Variants in FRAS1 observed in about 807,000 individuals in gnomAD.
FRAS1 encodes the protein extracellular matrix organizing protein FRAS1.
FRAS1 carries 290 observed loss-of-function variants against 435.2 expected under a neutral mutation model. That is an observed-to-expected ratio of 0.67 (90% CI 0.61 to 0.73). The LOEUF is 0.73. Ranked by LOEUF, FRAS1 falls within the 30% of genes least tolerant of loss-of-function variation. FRAS1 has a pLI of 0.00. For missense variants in FRAS1, 4,860 were observed against 5,001.5 expected (o/e 0.97, Z 0.85); for synonymous variants, 1,800 against 1,851.0 (o/e 0.97, Z 0.71).
chr4:78,384,001 G>C (rs1578289200), intron 27 of FRAS1, 58 bp from the exon 28 acceptor site: 2 of 1,291,164 alleles, frequency 1.5e-6, no homozygotes, highest in African/African-American at 3.0e-5. Flanking sequence ...AGCCTTTTCT[G>C]TGTAAAGTCT....
chr4:78,508,629 T>C, intron 62 of FRAS1, 102 bp from the exon 63 acceptor site: 2 of 1,204,984 alleles, frequency 1.7e-6, no homozygotes, highest in African/African-American at 1.5e-5. Context: ...TCAAAGAACC[T>C]GTAGACACTA....
At chr4:78,131,764 G>A (rs187088676) in intron 2 of FRAS1, among the ~76,000 whole-genome samples, 2 of 152,278 alleles carry the variant, frequency 1.3e-5, no homozygotes, top group African/African-American at 2.4e-5. Flanking sequence ...TAAGTGACTG[G>A]TAGCATACAA....
chr4:78,116,612 C>G (rs369898028), intron 2 of FRAS1, among the ~76,000 whole-genome samples: 25 of 152,118 alleles, frequency 1.6e-4, no homozygotes, highest in South Asian at 1.0e-3. Flanking sequence ...TTTGATCTTT[C>G]TTGGTTTAAA....
chr4:78,254,201 T>C (rs1725683714), intron 5 of FRAS1, among the ~76,000 whole-genome samples: 2 of 152,192 alleles, frequency 1.3e-5, no homozygotes, highest in African/African-American at 4.8e-5. Context: ...TATAACTAGG[T>C]AGTGTATACC....
In FRAS1 at chr4:78,438,964, C is replaced by A. The variant is rs1734543935; in HGVS notation, c.5429C>A (p.Ser1810Tyr). Residue 1810 changes from serine to tyrosine, a missense_variant, in exon 40 of 74, where the codon TCT becomes TAT. Coordinates refer to ENST00000512123, the MANE Select transcript of FRAS1 (RefSeq NM_025074.7). ...LVTDSFYFSV[S>Y]DMDHNHLDNQ... ...ACTGATAGCTTCTATTTCTCTGTCTCTGACATGGACCACAACCATCTGGAT... is the reference window on the plus strand; with the variant it reads ...ACTGATAGCTTCTATTTCTCTGTCTATGACATGGACCACAACCATCTGGAT... The A allele has an allele frequency of 6.2e-7, 1 of 1,613,282 alleles. No individual in the cohort carries two copies. The highest frequency in any genetic ancestry group is 8.5e-7 in the Non-Finnish European group (1 of 1,179,494).
chr4:78,407,528 T>C (rs1246660630), intron 30 of FRAS1, 135 bp from the exon 31 acceptor site: 10 of 650,190 alleles, frequency 1.5e-5, no homozygotes, highest in Admixed American at 9.7e-5. Flanking sequence ...TAACATCCTC[T>C]CCTTCACCTT....
chr4:78,074,264 G>A (rs529156300), intron 2 of FRAS1, among the ~76,000 whole-genome samples: 12 of 152,250 alleles, frequency 7.9e-5, no homozygotes, highest in African/African-American at 2.6e-4. Flanking sequence ...GTGAGCAGGA[G>A]GGAATTATTA....
At chr4:78,095,570 A>G (rs1741759748) in intron 2 of FRAS1, among the ~76,000 whole-genome samples, 2 of 152,204 alleles carry the variant, frequency 1.3e-5, no homozygotes, top group African/African-American at 4.8e-5. Flanking sequence ...AAGAGGTTTT[A>G]ATGGACATAT....
chr4:78,542,737 C>T lies in FRAS1; in HGVS notation c.*1613C>T, dbSNP rs952918668. 7.9e-5 allele frequency: 12 copies of T among 152,604 alleles called. No individual in the cohort carries two copies. In the East Asian group the frequency reaches 1.9e-3, roughly 24 times the overall value. The allele number at this position is 152,604 out of a possible 1,614,324, so 9.5% of individuals were successfully genotyped here. On this transcript the variant is annotated 3_prime_UTR_variant, in exon 74 of 74. Coordinates refer to ENST00000512123, the MANE Select transcript of FRAS1 (RefSeq NM_025074.7). Reference sequence around the variant, plus strand: ...AACAGTGCCTTGCATGTAACAAGCACTCCAGAAATGTTTGTTGAATGAATG... The same window carrying T: ...AACAGTGCCTTGCATGTAACAAGCATTCCAGAAATGTTTGTTGAATGAATG...
At chr4:78,134,422 C>G (rs10025611) in intron 2 of FRAS1, among the ~76,000 whole-genome samples, 24,836 of 152,066 alleles carry the variant, frequency 0.16, 2,216 homozygotes, top group Admixed American at 0.2. Flanking sequence ...ACTGTGGCTT[C>G]TAAGTACTGG....
At chr4:78,280,651 G>T (rs1727289553) in intron 10 of FRAS1, among the ~76,000 whole-genome samples, 1 of 151,510 alleles carries the variant, frequency 6.6e-6, no homozygotes, top group Non-Finnish European at 1.5e-5. Flanking sequence ...ATTCTGGGGA[G>T]GCAGTATTGT....
Position 78,387,456 on chromosome 4 carries a change from C to T in FRAS1, c.3730C>T (p.Arg1244Ter), listed in dbSNP as rs186964660. The change falls in exon 29 of 74, where the codon CGA (arginine) becomes TGA (stop). Residue 1244 changes from arginine to a stop codon, truncating the protein, a stop_gained. Transcript: ENST00000512123. LOFTEE classifies it high-confidence loss of function. ...CATCACCACCCAGATGCTTGACATCCGAGATGATGACAACCCACAGGATGT... is the reference window on the plus strand; with the variant it reads ...CATCACCACCCAGATGCTTGACATCTGAGATGATGACAACCCACAGGATGT... ...ATITTQMLDI[R>*]DDDNPQDVVI... The T allele has an allele frequency of 1.2e-5, 20 of 1,613,676 alleles. No homozygotes were observed. The highest frequency in any genetic ancestry group is 3.3e-5 in the Admixed American group (2 of 60,002).
At chr4:78,425,041 A>T (rs1017889911) in intron 35 of FRAS1, among the ~76,000 whole-genome samples, 2 of 151,990 alleles carry the variant, frequency 1.3e-5, no homozygotes, top group Middle Eastern at 6.8e-3. Context: ...CCTGGGGTTC[A>T]GCTTGCCCTG....
In FRAS1 at chr4:78,379,618, T is replaced by C. The variant is rs952706239; in HGVS notation, c.3293-108T>C. ...TCTGTTTCTTATTTTGTGTTTATTCTCTGGAAATTGTAAGGAGGTGGTCTG... is the reference window on the plus strand; with the variant it reads ...TCTGTTTCTTATTTTGTGTTTATTCCCTGGAAATTGTAAGGAGGTGGTCTG... On this transcript the variant is annotated intron_variant, in intron 26 of 73. Coordinates refer to ENST00000512123, the MANE Select transcript of FRAS1 (RefSeq NM_025074.7). 1.9e-5 allele frequency: 20 copies of C among 1,048,692 alleles called. No individual in the cohort carries two copies. In the African/African-American group the frequency reaches 2.6e-4, roughly 13 times the overall value. The allele number at this position is 1,048,692 out of a possible 1,614,324, so 65.0% of individuals were successfully genotyped here. A position where few individuals can be genotyped will look rare whatever the true frequency, so the allele number is the denominator to read the frequency against.
At chr4:78,384,395 T>G (rs1732139014) in intron 28 of FRAS1, among the ~76,000 whole-genome samples, 2 of 152,186 alleles carry the variant, frequency 1.3e-5, no homozygotes, top group Non-Finnish European at 1.5e-5. Context: ...CAGTTAATCC[T>G]TATGCCAATA....
At chr4:78,482,075 C>T (rs1299571859) in intron 57 of FRAS1, 111 bp downstream of exon 57, 4 of 1,147,502 alleles carry the variant, frequency 3.5e-6, no homozygotes, top group Middle Eastern at 2.3e-4. Flanking sequence ...TCCTATCTTT[C>T]CTTTCTTTAA....
At chr4:78,094,104 G>GTTTTTTTTTTTTTTTTTTTTTTTTTTTTT (rs71214395) in intron 2 of FRAS1, among the ~76,000 whole-genome samples, 1 of 106,614 alleles carries the variant, frequency 9.4e-6, no homozygotes, top group Non-Finnish European at 1.9e-5. Context: ...GAATAACCAA[G>GTTTTTTTTTTTTTTTTTTTTTTTTTTTTT]TTTTTTTTTT....
At chr4:78,276,744 T>A (rs1190601978) in intron 9 of FRAS1, among the ~76,000 whole-genome samples, 1 of 152,204 alleles carries the variant, frequency 6.6e-6, no homozygotes, top group Non-Finnish European at 1.5e-5. Context: ...TGCCTCCCAG[T>A]TAGGCTACTT....
intron 2 of FRAS1, among the ~76,000 whole-genome samples, chr4:78,137,867 G>C (rs1021575976): frequency 3.3e-5 from 5 of 152,210 alleles, no homozygotes; most frequent in Non-Finnish European, 7.3e-5. Flanking sequence ...TGTTAACATG[G>C]AGCTTGCCAG....
Sources: gnomAD v4.1 joint callset for allele counts (sites outside exome capture counted in the v4.1 genomes callset) on GRCh38, gnomAD v4.1.1 for gene constraint, MANE v1.5 for transcripts, NCBI Gene and HGNC (gene_info 2026-07-23, HGNC 2026-07-21) for gene names.